Variants in THSD7B observed in about 807,000 individuals in gnomAD.
The protein encoded by THSD7B is thrombospondin type-1 domain-containing protein 7B.
Under a neutral mutation model 213.6 loss-of-function variants are expected in THSD7B, and 138 were observed. The ratio of observed to expected loss-of-function variants is 0.65; its 90% CI spans 0.56 to 0.74. The LOEUF (loss-of-function observed/expected upper bound fraction) is 0.74. Ranked by LOEUF, THSD7B falls within the 30% of genes least tolerant of loss-of-function variation. The pLI, the probability that THSD7B is intolerant of heterozygous loss-of-function variation, is 0.00. For missense variants in THSD7B, 1,931 were observed against 1,991.5 expected, an observed-to-expected ratio of 0.97 and a Z score of 0.58; for synonymous variants, 742 against 687.0, an observed-to-expected ratio of 1.08 and a Z score of -1.25.
At chr2:137,559,529 G>C (rs1243216399) in intron 15 of THSD7B, among the ~76,000 whole-genome samples, 1 of 152,126 alleles carries the variant, frequency 6.6e-6, no homozygotes, top group Non-Finnish European at 1.5e-5. Context: ...AGCTGAAACT[G>C]GATCCCTTCC....
intron 4 of THSD7B, among the ~76,000 whole-genome samples, chr2:137,101,715 C>T (rs771140521): frequency 2.0e-5 from 3 of 152,086 alleles, no homozygotes; most frequent in Admixed American, 6.5e-5. Context: ...GAGGGGTGTC[C>T]GCCATTACTG....
intron 2 of THSD7B, among the ~76,000 whole-genome samples, chr2:137,026,811 C>G (rs558545704): frequency 6.6e-5 from 10 of 152,246 alleles, no homozygotes; most frequent in African/African-American, 2.2e-4. Context: ...TTTTCACTCT[C>G]GTGTCCTGAT....
At chr2:137,281,048 C>A (rs963907413) in intron 12 of THSD7B, among the ~76,000 whole-genome samples, 6 of 152,088 alleles carry the variant, frequency 3.9e-5, no homozygotes, top group African/African-American at 1.4e-4. Context: ...AGAGTAGGTA[C>A]TGGAGATCGA....
chr2:137,193,410 A>G (rs1291334937), intron 7 of THSD7B, among the ~76,000 whole-genome samples: 1 of 152,210 alleles, frequency 6.6e-6, no homozygotes, highest in African/African-American at 2.4e-5. Context: ...CATCACCTCA[A>G]ATACTTAACA....
At chr2:137,240,842 T>A (rs1681883542) in intron 9 of THSD7B, among the ~76,000 whole-genome samples, 1 of 152,244 alleles carries the variant, frequency 6.6e-6, no homozygotes, top group Admixed American at 6.5e-5. Context: ...ACAGTCCCTG[T>A]ATTTGCATGT....
chr2:137,585,725 C>T (rs910269770), intron 17 of THSD7B, among the ~76,000 whole-genome samples: 6 of 152,088 alleles, frequency 3.9e-5, no homozygotes, highest in Non-Finnish European at 7.4e-5. Context: ...AATATCTGTT[C>T]TTTTACATTT....
intron 3 of THSD7B, among the ~76,000 whole-genome samples, chr2:137,085,092 G>C (rs930585297): frequency 6.6e-6 from 1 of 152,252 alleles, no homozygotes; most frequent in South Asian, 2.1e-4. Context: ...CACCATCCAG[G>C]TTTATACACA....
chr2:136,970,238 T>G (rs1573740887), intron 2 of THSD7B, among the ~76,000 whole-genome samples: 1 of 151,866 alleles, frequency 6.6e-6, no homozygotes, highest in Non-Finnish European at 1.5e-5. Context: ...CTGAGGCAGG[T>G]GGATCGCTTA....
chr2:137,312,681 T>C (rs374563012), intron 12 of THSD7B, among the ~76,000 whole-genome samples: 5,909 of 144,740 alleles, frequency 0.041, 118 homozygotes, highest in East Asian at 0.069. Flanking sequence ...GCTTTGAATG[T>C]GTCCCAGAGA....
intron 12 of THSD7B, among the ~76,000 whole-genome samples, chr2:137,328,077 A>T (rs1684412795): frequency 6.6e-6 from 1 of 152,210 alleles, no homozygotes. Context: ...GGCATTTTTC[A>T]CTGCTTCTCC....
chr2:137,646,517 T>C (rs1473439685), intron 21 of THSD7B, among the ~76,000 whole-genome samples: 2 of 145,120 alleles, frequency 1.4e-5, no homozygotes, highest in Non-Finnish European at 1.5e-5. Flanking sequence ...CTGAGTGTGG[T>C]CGCACGTGCC....
chr2:137,126,849 A>G (rs1688637488), intron 5 of THSD7B, among the ~76,000 whole-genome samples: 1 of 152,118 alleles, frequency 6.6e-6, no homozygotes, highest in Non-Finnish European at 1.5e-5. Context: ...TGGTAGGGTT[A>G]TTAATTGGCC....
chr2:137,668,444 T>C (rs931940800), intron 27 of THSD7B, among the ~76,000 whole-genome samples: 1 of 108,700 alleles, frequency 9.2e-6, no homozygotes, highest in African/African-American at 3.3e-5. Flanking sequence ...GATGGTCATT[T>C]GCAAAAAAAA....
intron 5 of THSD7B, among the ~76,000 whole-genome samples, chr2:137,146,077 A>G (rs1479594192): frequency 1.3e-5 from 2 of 152,114 alleles, no homozygotes; most frequent in African/African-American, 2.4e-5. Context: ...TTTTTATAAC[A>G]TGTCTGCTAT....
In THSD7B at chr2:137,450,730, G is replaced by A. The variant is rs1267096150; in HGVS notation, c.2960-115G>A. 2.7e-6 allele frequency: 2 copies of A among 741,830 alleles called. 1 individual carries two copies. The highest frequency in any genetic ancestry group is 5.6e-5 in the South Asian group (2 of 35,710). 46.0% of individuals were successfully genotyped at this position (741,830 alleles called of 1,614,324 possible). ...CTGTTTATCTGAGAACAAAATTATT[G>A]AAGCCACTACAGCAATATTGTTGAA... is the stretch of plus-strand genomic sequence containing the variant. On this transcript the variant is annotated intron_variant, in intron 14 of 27. Coordinates refer to ENST00000409968, the MANE Select transcript of THSD7B (RefSeq NM_001316349.2).
rs149118017 is a variant in THSD7B at position 136,931,626 on chromosome 2, T to G, written c.139+49309T>G. Among the ~76,000 whole-genome samples the G allele has an allele frequency of 7.4e-3, 1,131 of 152,288 alleles. 6 individuals are homozygous for G. The highest frequency in any genetic ancestry group is 0.011 in the Non-Finnish European group (756 of 68,010). On this transcript the variant is annotated intron_variant, in intron 2 of 27. Coordinates refer to ENST00000409968, the MANE Select transcript of THSD7B (RefSeq NM_001316349.2). Reference sequence around the variant, plus strand: ...TGCTCCCCATGTCCCTGTGATTCTCTGTTGTATAAAATATGCAGAGCTTTA... The same window carrying G: ...TGCTCCCCATGTCCCTGTGATTCTCGGTTGTATAAAATATGCAGAGCTTTA...
chr2:137,589,982 A>T (rs1681829370), intron 17 of THSD7B, among the ~76,000 whole-genome samples: 1 of 152,074 alleles, frequency 6.6e-6, no homozygotes. Flanking sequence ...TTGTGTTTAA[A>T]AATCATAGAA....
At chr2:137,044,422 C>T (rs1316766911) in intron 2 of THSD7B, among the ~76,000 whole-genome samples, 1 of 152,062 alleles carries the variant, frequency 6.6e-6, no homozygotes, top group Non-Finnish European at 1.5e-5. Context: ...CTATGATGAA[C>T]CTGTGACCAC....
At chr2:137,383,233 A>C (rs1685816933) in intron 12 of THSD7B, among the ~76,000 whole-genome samples, 1 of 152,166 alleles carries the variant, frequency 6.6e-6, no homozygotes, top group African/African-American at 2.4e-5. Context: ...CAGTGCCCCT[A>C]AAGGTAGGGA....
Sources: gnomAD v4.1 joint callset for allele counts (sites outside exome capture counted in the v4.1 genomes callset) on GRCh38, gnomAD v4.1.1 for gene constraint, MANE v1.5 for transcripts, NCBI Gene and HGNC (gene_info 2026-07-23, HGNC 2026-07-21) for gene names.